Variants in UGT2B4 observed in about 807,000 individuals in gnomAD.
UGT2B4 encodes the protein UDP-glucuronosyltransferase 2B4.
In UGT2B4, 49 loss-of-function variants were observed where a neutral mutation model predicts 49.8. The observed-to-expected ratio is 0.98, with a 90% CI of 0.78 to 1.25. The LOEUF (loss-of-function observed/expected upper bound fraction) is 1.25. UGT2B4 is among the 50% of genes most tolerant of loss of function. UGT2B4 has a pLI of 0.00. For synonymous variants in UGT2B4, 246 were observed against 217.7 expected (o/e 1.13, Z -1.14); for missense variants, 729 against 627.7 (o/e 1.16, Z -1.73).
At chr4:69,500,610 A>AAAG (rs1728285127), upstream of UGT2B4, among the ~76,000 whole-genome samples, 2 of 76,922 alleles carry the variant, frequency 2.6e-5, no homozygotes, top group African/African-American at 4.1e-5. Context: ...AGCAAGGAAG[A>AAAG]AAGAAAGAAA....
At chr4:69,523,223 G>A (rs1191082296) in intron 1 of UGT2B4, among the ~76,000 whole-genome samples, 1 of 151,766 alleles carries the variant, frequency 6.6e-6, no homozygotes, top group Admixed American at 6.6e-5. Flanking sequence ...TTCTAAAATG[G>A]TAAATACTTT....
At chr4:69,490,408 G>A (rs1317635482) in intron 2 of UGT2B4, among the ~76,000 whole-genome samples, 1 of 152,084 alleles carries the variant, frequency 6.6e-6, no homozygotes, top group Non-Finnish European at 1.5e-5. Context: ...ATTTTGCTGT[G>A]TCTCAGAGGC....
chr4:69,512,444 T>C (rs2109828600), intron 1 of UGT2B4, among the ~76,000 whole-genome samples: 1 of 152,284 alleles, frequency 6.6e-6, no homozygotes, highest in Non-Finnish European at 1.5e-5. Flanking sequence ...TATGTAAGTT[T>C]GACTATTCTA....
chr4:69,508,802 T>C (rs1265593559), intron 1 of UGT2B4, among the ~76,000 whole-genome samples: 2 of 152,122 alleles, frequency 1.3e-5, no homozygotes, highest in African/African-American at 4.8e-5. Flanking sequence ...GCAAACCCCA[T>C]GACATAAGTT....
chr4:69,520,503 T>C (rs918314910), intron 1 of UGT2B4, among the ~76,000 whole-genome samples: 2 of 152,070 alleles, frequency 1.3e-5, no homozygotes, highest in African/African-American at 4.8e-5. Flanking sequence ...TTCATGGGGG[T>C]TCAGGAAGTC....
chr4:69,500,606 G>GCAAGAAAGCAAGAAAGCAAGAAAGAAAGA (rs1553896493), upstream of UGT2B4, among the ~76,000 whole-genome samples: 4 of 99,510 alleles, frequency 4.0e-5, no homozygotes, highest in Non-Finnish European at 6.0e-5. Flanking sequence ...AGAAAGCAAG[G>GCAAGAAAGCAAGAAAGCAAGAAAGAAAGA]AAGAAAGAAA....
At chr4:69,501,286 T>C (rs903809098) in intron 1 of UGT2B4, among the ~76,000 whole-genome samples, 3 of 152,132 alleles carry the variant, frequency 2.0e-5, no homozygotes, top group African/African-American at 7.2e-5. Flanking sequence ...GTTGCAAATC[T>C]ACTCTACCTA....
intron 3 of UGT2B4, 114 bp from the exon 4 acceptor site, chr4:69,486,810 C>G: frequency 1.5e-6 from 1 of 685,574 alleles, no homozygotes; most frequent in Non-Finnish European, 2.4e-6. Flanking sequence ...GTAACAAGAA[C>G]TACTCAGACT....
chr4:69,513,665 G>A (rs1246730462), intron 1 of UGT2B4, among the ~76,000 whole-genome samples: 2 of 152,104 alleles, frequency 1.3e-5, no homozygotes, highest in African/African-American at 4.8e-5. Flanking sequence ...ATTACTTTGG[G>A]CAATATGGCC....
chr4:69,486,470 G>A lies in UGT2B4; in HGVS notation c.1090+139C>T, dbSNP rs371376320. 1.4e-5 allele frequency: 7 copies of A among 514,236 alleles called. No homozygotes were observed. In the East Asian group the frequency reaches 2.0e-4, roughly 15 times the overall value. The allele number at this position is 514,236 out of a possible 1,614,324, so 31.9% of individuals were successfully genotyped here. A position where few individuals can be genotyped will look rare whatever the true frequency, so the allele number is the denominator to read the frequency against. ...CAATTTATTCTTTTCCCCCGGGACT[G>A]GAAAATAAATATAAAGAAGTTTCAT... On this transcript the variant is annotated intron_variant, in intron 4 of 5. Coordinates refer to ENST00000305107, the MANE Select transcript of UGT2B4 (RefSeq NM_021139.3).
intron 5 of UGT2B4, among the ~76,000 whole-genome samples, chr4:69,482,484 C>T (rs1255582151): frequency 6.6e-6 from 1 of 152,176 alleles, no homozygotes; most frequent in African/African-American, 2.4e-5. Flanking sequence ...TAGAAGAACT[C>T]TCTTTTCCTG....
upstream of UGT2B4, among the ~76,000 whole-genome samples, chr4:69,497,240 G>A (rs975490781): frequency 2.6e-5 from 4 of 152,146 alleles, no homozygotes; most frequent in Admixed American, 2.0e-4. Flanking sequence ...GACCCCACAA[G>A]GAGCTGACTC....
intron 1 of UGT2B4, among the ~76,000 whole-genome samples, chr4:69,501,902 T>C (rs1183617944): frequency 6.6e-6 from 1 of 152,028 alleles, no homozygotes; most frequent in African/African-American, 2.4e-5. Context: ...CCTGGTGGAG[T>C]GGGCTCATGA....
Position 69,485,253 on chromosome 4 carries a change from C to T in UGT2B4, c.1265G>A (p.Ser422Asn). 1 of 1,613,864 alleles carries T rather than the reference C, an allele frequency of 6.2e-7. No homozygotes were observed. Among genetic ancestry groups the T allele is most frequent in the Non-Finnish European group, 8.5e-7 (1 of 1,179,928 alleles). Residue 422 changes from serine (S) to asparagine (N), a missense_variant, in exon 5 of 6, where the codon AGT becomes AAT. Coordinates refer to ENST00000305107, the MANE Select transcript of UGT2B4 (RefSeq NM_021139.3). Reference protein sequence around the residue: ...AVSLDFHTMSSTDLLNALKTV... With the variant: ...AVSLDFHTMSNTDLLNALKTV... Reference sequence around the variant, plus strand: ...CTTCAGTGCATTGAGTAAGTCTGTACTCGACATTGTGTGGAAGTCCAAACT... The same window carrying T: ...CTTCAGTGCATTGAGTAAGTCTGTATTCGACATTGTGTGGAAGTCCAAACT...
chr4:69,484,639 G>A (rs11249442), intron 5 of UGT2B4, among the ~76,000 whole-genome samples: 97,038 of 151,982 alleles, frequency 0.64, 31,570 homozygotes, highest in Admixed American at 0.73. Flanking sequence ...GGGTCATGCA[G>A]AGTGACTTCT....
At chr4:69,488,596 G>T (rs573219779) in intron 3 of UGT2B4, among the ~76,000 whole-genome samples, 3 of 151,930 alleles carry the variant, frequency 2.0e-5, no homozygotes, top group African/African-American at 7.2e-5. Flanking sequence ...CTATGGAGGG[G>T]GCATCTGAAC....
intron 1 of UGT2B4, among the ~76,000 whole-genome samples, chr4:69,502,928 G>C (rs1728378623): frequency 6.6e-6 from 1 of 152,122 alleles, no homozygotes. Flanking sequence ...CCACAGAACA[G>C]CGTCTCCATC....
At chr4:69,525,146 G>GTGTT (rs911384231) in intron 1 of UGT2B4, among the ~76,000 whole-genome samples, 6 of 152,158 alleles carry the variant, frequency 3.9e-5, no homozygotes, top group Admixed American at 2.6e-4. Flanking sequence ...AAAATGTCAA[G>GTGTT]TGTTTGTTTG....
chr4:69,483,906 C>T lies in UGT2B4; in HGVS notation c.1310+1302G>A, dbSNP rs567038210. On this transcript the variant is annotated intron_variant, in intron 5 of 5. Transcript: ENST00000305107. ...CGAAATATTTATAAATTATATATCT[C>T]ATATGGGATTGTATCCATAATACAT... Among the ~76,000 whole-genome samples, 95 of 152,152 alleles carry T rather than the reference C, an allele frequency of 6.2e-4. 1 individual carries two copies. Among genetic ancestry groups the T allele is most frequent in the African/African-American group, 2.1e-3 (86 of 41,538 alleles).
Sources: gnomAD v4.1 joint callset for allele counts (sites outside exome capture counted in the v4.1 genomes callset) on GRCh38, gnomAD v4.1.1 for gene constraint, MANE v1.5 for transcripts, NCBI Gene and HGNC (gene_info 2026-07-23, HGNC 2026-07-21) for gene names.